The following RTTN variants were observed in gnomAD, a reference collection of about 807,000 sequenced individuals.
RTTN encodes the protein rotatin.
RTTN carries 182 observed loss-of-function variants against 269.2 expected under a neutral mutation model. The observed-to-expected ratio is 0.68, with a 90% CI of 0.60 to 0.76. The LOEUF (loss-of-function observed/expected upper bound fraction) is 0.76, where lower values mean the gene tolerates loss of function less well. Ranked by LOEUF, RTTN falls within the 30% of genes least tolerant of loss-of-function variation. The pLI is 0.00. For missense variants in RTTN, 2,545 were observed against 2,608.6 expected (o/e 0.98, Z 0.53); for synonymous variants, 1,006 against 963.5 (o/e 1.04, Z -0.82).
At chr18:70,010,367 C>G (rs1047463643) in intron 46 of RTTN, among the ~76,000 whole-genome samples, 21 of 152,170 alleles carry the variant, frequency 1.4e-4, no homozygotes, top group African/African-American at 5.1e-4. Context: ...TGCCAAAGAC[C>G]TGAAATCATA....
rs2060383249 is a variant in RTTN at position 70,146,045 on chromosome 18, A to G, written c.2310-262T>C. Among the ~76,000 whole-genome samples the G allele has an allele frequency of 2.0e-5, 3 of 152,346 alleles. 1 individual carries two copies. In the Middle Eastern group the frequency reaches 0.01, roughly 518 times the overall value. ...AATGAGACAGACTCACTGAGATTAAATATCAGTAAACTTCAATAAGTACAT... is the reference window on the plus strand; with the variant it reads ...AATGAGACAGACTCACTGAGATTAAGTATCAGTAAACTTCAATAAGTACAT... On this transcript the variant is annotated intron_variant, in intron 17 of 48. Transcript: ENST00000640769.
chr18:70,196,444 T>G (rs1465026818), intron 7 of RTTN, 57 bp downstream of exon 7: 1 of 1,487,346 alleles, frequency 6.7e-7, no homozygotes, highest in Non-Finnish European at 9.2e-7. Context: ...TAATGGAAGG[T>G]TCCCAGAAGA....
intron 46 of RTTN, among the ~76,000 whole-genome samples, chr18:70,012,478 G>C (rs898702790): frequency 1.4e-5 from 2 of 144,574 alleles, no homozygotes; most frequent in African/African-American, 2.6e-5. Context: ...CACTGGTATT[G>C]GTTACAGGGC....
chr18:70,193,223 G>T, intron 8 of RTTN, 65 bp downstream of exon 8: 73 of 1,167,568 alleles, frequency 6.3e-5, no homozygotes, highest in Non-Finnish European at 8.1e-5. Context: ...ATCTCCTTCT[G>T]AAATTAACAC....
At chr18:70,108,230 TCATGC>T (rs1356639846) in intron 28 of RTTN, among the ~76,000 whole-genome samples, 4 of 151,726 alleles carry the variant, frequency 2.6e-5, no homozygotes, top group African/African-American at 9.7e-5. Context: ...TGAGCTGAGA[TCATGC>T]CATTGCACTC....
chr18:70,093,498 A>C (rs1568366320), intron 28 of RTTN, among the ~76,000 whole-genome samples: 1 of 152,132 alleles, frequency 6.6e-6, no homozygotes, highest in Admixed American at 6.6e-5. Context: ...TTTATTGAGA[A>C]TTTTTAGCAT....
At chr18:70,007,506 G>C (rs893510687) in intron 46 of RTTN, 3 of 152,320 alleles carry the variant, frequency 2.0e-5, no homozygotes, top group Non-Finnish European at 4.4e-5. Flanking sequence ...AAGATCCACT[G>C]GCTTAAAATT....
intron 37 of RTTN, 65 bp from the exon 38 acceptor site, chr18:70,054,349 G>T: frequency 7.0e-7 from 1 of 1,420,864 alleles, no homozygotes; most frequent in Non-Finnish European, 9.5e-7. Context: ...CAGTGATACA[G>T]CATTTTACTT....
In RTTN at chr18:70,051,359, T is replaced by C. The variant is rs937272234; in HGVS notation, c.5323+52A>G. On this transcript the variant is annotated intron_variant, in intron 39 of 48. Coordinates refer to ENST00000640769, the MANE Select transcript of RTTN (RefSeq NM_173630.4). The stretch of plus-strand genomic sequence containing the variant: ...TACATACCTAAACAGGCAGAATCAT[T>C]ATCTCGTTTTATTAGCAGAAAGCCC... 5.2e-6 allele frequency: 8 copies of C among 1,539,252 alleles called. No homozygotes were observed. The African/African-American group carries it at 8.4e-5, about 16-fold the overall frequency.
intron 25 of RTTN, among the ~76,000 whole-genome samples, chr18:70,122,355 G>A (rs896701594): frequency 1.3e-5 from 2 of 151,766 alleles, no homozygotes; most frequent in African/African-American, 4.8e-5. Context: ...TTTTTAAAAA[G>A]CAATCAGCAA....
chr18:70,103,820 C>T (rs561738544), intron 28 of RTTN, among the ~76,000 whole-genome samples: 1 of 151,364 alleles, frequency 6.6e-6, no homozygotes, highest in African/African-American at 2.4e-5. Flanking sequence ...TTGGCCCCCA[C>T]TCTCTTCTGG....
chr18:70,145,561 TA>T, intron 18 of RTTN, 50 bp downstream of exon 18: 1 of 1,352,178 alleles, frequency 7.4e-7, no homozygotes, highest in Non-Finnish European at 1.0e-6. Context: ...ATACATGATA[TA>T]AAAATGTATC....
chr18:70,200,407 T>C (rs1280300114), intron 4 of RTTN, among the ~76,000 whole-genome samples: 1 of 152,084 alleles, frequency 6.6e-6, no homozygotes, highest in African/African-American at 2.4e-5. Flanking sequence ...ACAATCTCAA[T>C]CCCCCTTAAT....
At position 70,134,484 on chromosome 18, in the gene RTTN, G is replaced by T; in HGVS notation, c.2943C>A (p.Ser981=). ...AATAAATCCTTTACCTTCTAAAAAC[G>T]GAAACAGGCAAACTGAAGACCGATG... ...SLPSVFSLPV[S]VFRRYHLPVH... The change falls in exon 23 of 49, where the codon TCC becomes TCA. Residue 981 remains serine (S), a synonymous_variant. Transcript: ENST00000640769. The T allele has an allele frequency of 6.2e-7, 1 of 1,607,156 alleles. No homozygotes were observed. Among genetic ancestry groups the T allele is most frequent in the South Asian group, 1.1e-5 (1 of 90,258 alleles).
At chr18:70,031,425 T>C (rs1337204244) in intron 40 of RTTN, 1 of 398,184 alleles carries the variant, frequency 2.5e-6, no homozygotes, top group Non-Finnish European at 4.4e-6. Context: ...ATATCTCAGG[T>C]GATTTGGTTC....
intron 18 of RTTN, 116 bp from the exon 19 acceptor site, chr18:70,142,503 T>C (rs963749006): frequency 9.5e-6 from 6 of 632,084 alleles, no homozygotes; most frequent in Non-Finnish European, 1.7e-5. Flanking sequence ...CTTATTTAAA[T>C]AACCAACATA....
chr18:70,094,603 T>C (rs1599504501), intron 28 of RTTN, among the ~76,000 whole-genome samples: 1 of 152,190 alleles, frequency 6.6e-6, no homozygotes, highest in Admixed American at 6.5e-5. Context: ...TTGTAGTTAG[T>C]TTCTCAATGC....
rs188256464 is a variant in RTTN, at chr18:70,134,788, G to A, written c.2886-247C>T. On this transcript the variant is annotated intron_variant, in intron 22 of 48. Coordinates refer to ENST00000640769, the MANE Select transcript of RTTN (RefSeq NM_173630.4). ...AATGCAGTGGTGGGACTAGCAGGTGGACTTTGTGCGTCTCCTCCCACGGAT... is the reference window on the plus strand; with the variant it reads ...AATGCAGTGGTGGGACTAGCAGGTGAACTTTGTGCGTCTCCTCCCACGGAT... 6.8e-4 allele frequency among the ~76,000 whole-genome samples: 104 copies of A among 152,200 alleles called. No homozygotes were observed. In the Middle Eastern group the frequency reaches 0.014, roughly 20 times the overall value.
At chr18:70,105,467 C>A (rs908747683) in intron 28 of RTTN, among the ~76,000 whole-genome samples, 1 of 152,232 alleles carries the variant, frequency 6.6e-6, no homozygotes, top group Non-Finnish European at 1.5e-5. Context: ...ATGCCCCGCC[C>A]TGCTTCTGCT....
Sources: gnomAD v4.1 joint callset for allele counts (sites outside exome capture counted in the v4.1 genomes callset) on GRCh38, gnomAD v4.1.1 for gene constraint, MANE v1.5 for transcripts, NCBI Gene and HGNC (gene_info 2026-07-23, HGNC 2026-07-21) for gene names.